Variants in CAMKMT observed in about 807,000 individuals in gnomAD.
CAMKMT encodes the protein calmodulin-lysine N-methyltransferase.
CAMKMT carries 53 observed loss-of-function variants against 48.0 expected under a neutral mutation model. The ratio of observed to expected loss-of-function variants is 1.10; its 90% confidence interval spans 0.89 to 1.39. CAMKMT has a LOEUF of 1.39. Among genes scored for constraint, CAMKMT ranks in the 40% most tolerant of loss-of-function variants. The pLI, the probability that CAMKMT is intolerant of heterozygous loss-of-function variation, is 0.00. For synonymous variants in CAMKMT, 165 were observed against 152.3 expected (o/e 1.08, Z -0.61); for missense variants, 428 against 402.7 (o/e 1.06, Z -0.54).
intron 3 of CAMKMT, among the ~76,000 whole-genome samples, chr2:44,636,480 A>G (rs552976934): frequency 6.6e-6 from 1 of 152,336 alleles, no homozygotes; most frequent in Non-Finnish European, 1.5e-5. Flanking sequence ...TAAGGCGGTT[A>G]CCAGTGTAAC....
chr2:44,520,557 T>C (rs1263895555), intron 3 of CAMKMT, among the ~76,000 whole-genome samples: 1 of 152,194 alleles, frequency 6.6e-6, no homozygotes, highest in Non-Finnish European at 1.5e-5. Flanking sequence ...TGGTACCTGC[T>C]CCTCTTATTT....
chr2:44,696,070 A>G (rs1007149643), intron 3 of CAMKMT, among the ~76,000 whole-genome samples: 3 of 151,956 alleles, frequency 2.0e-5, no homozygotes, highest in Admixed American at 1.3e-4. Context: ...AGCCTCCCGA[A>G]TAACTGGAAT....
intron 8 of CAMKMT, among the ~76,000 whole-genome samples, chr2:44,745,712 G>A (rs560372665): frequency 4.0e-5 from 6 of 151,842 alleles, no homozygotes; most frequent in Non-Finnish European, 7.4e-5. Context: ...ATTTGTAAAT[G>A]TGAAACATTA....
In CAMKMT at chr2:44,618,040, T is replaced by G. The variant is rs913313313; in HGVS notation, c.377-86243T>G. 6.6e-6 allele frequency among the ~76,000 whole-genome samples: 1 copy of G among 152,228 alleles called. No individual in the cohort carries two copies. The highest frequency in any genetic ancestry group is 6.5e-5 in the Admixed American group (1 of 15,286). ...CTATTCTTTTCATCTCCTTCCTGTT[T>G]CTTTGTATACACTTCTAGTAGTTAA... On this transcript the variant is annotated intron_variant, in intron 3 of 10. Transcript: ENST00000378494. The surrounding 1 kb of genome is among the most constrained non-coding windows in gnomAD (Gnocchi z 4.0).
chr2:44,479,594 A>G (rs1668864473), intron 3 of CAMKMT, among the ~76,000 whole-genome samples: 1 of 152,218 alleles, frequency 6.6e-6, no homozygotes. Flanking sequence ...GGTACTGCTG[A>G]GTAAAACACT....
intron 6 of CAMKMT, among the ~76,000 whole-genome samples, chr2:44,709,767 G>T (rs1236689106): frequency 6.6e-6 from 1 of 151,938 alleles, no homozygotes; most frequent in East Asian, 1.9e-4. Flanking sequence ...AAATTATATA[G>T]CAGTTGTAGG....
chr2:44,542,069 C>G (rs543602755), intron 3 of CAMKMT, among the ~76,000 whole-genome samples: 95 of 145,658 alleles, frequency 6.5e-4, no homozygotes, highest in Non-Finnish European at 1.2e-3. Context: ...GCGGAGGTTG[C>G]GGTGAGCCGA....
chr2:44,644,195 A>G (rs1374381054), intron 3 of CAMKMT, among the ~76,000 whole-genome samples: 1 of 152,210 alleles, frequency 6.6e-6, no homozygotes, highest in Non-Finnish European at 1.5e-5. Context: ...TCATTTCAGT[A>G]AATTGCCCCC....
Position 44,362,013 on chromosome 2 carries a change from G to C in CAMKMT, c.6G>C (p.Glu2Asp). M[E>D]SRVADAGTGE... The stretch of plus-strand genomic sequence containing the variant: ...GTGTGGAAGGCTCCAGTGAGATGGA[G>C]TCGCGAGTCGCGGACGCTGGGACCG... The change falls in exon 1 of 11, where the codon GAG (glutamate) becomes GAC (aspartate). Residue 2 changes from glutamate to aspartate, a missense_variant. By Grantham distance (45) the Glu-to-Asp change is conservative (BLOSUM62 2). Coordinates refer to ENST00000378494, the MANE Select transcript of CAMKMT (RefSeq NM_024766.5). 7.1e-7 allele frequency: 1 copy of C among 1,409,932 alleles called. No individual in the cohort carries two copies. The highest frequency in any genetic ancestry group is 1.5e-5 in the South Asian group (1 of 64,792). 87.3% of individuals were successfully genotyped at this position (1,409,932 alleles called of 1,614,324 possible).
At position 44,688,507 on chromosome 2, in the gene CAMKMT, C is replaced by CATAT. The variant is rs56792012; in HGVS notation, c.377-15767_377-15764dup. ...GTATATATACACATACATATATATA[C>CATAT]ATATATATATATTTTAGCAATCTGA... is the stretch of plus-strand genomic sequence containing the variant. On this transcript the variant is annotated intron_variant, in intron 3 of 10. Transcript: ENST00000378494. Among the ~76,000 whole-genome samples the CATAT allele has an allele frequency of 2.4e-4, 36 of 151,504 alleles. 1 individual carries two copies. Among genetic ancestry groups the CATAT allele is most frequent in the Middle Eastern group, 6.9e-3 (2 of 288 alleles).
intron 3 of CAMKMT, among the ~76,000 whole-genome samples, chr2:44,493,536 T>C (rs1009469049): frequency 6.6e-6 from 1 of 152,210 alleles, no homozygotes; most frequent in Non-Finnish European, 1.5e-5. Context: ...TATTTGATAA[T>C]AATGATTTTG....
At chr2:44,449,754 A>T (rs1024667928) in intron 3 of CAMKMT, among the ~76,000 whole-genome samples, 1 of 152,182 alleles carries the variant, frequency 6.6e-6, no homozygotes, top group African/African-American at 2.4e-5. Context: ...CAAGTATCTG[A>T]CATGAAATAA....
intron 3 of CAMKMT, among the ~76,000 whole-genome samples, chr2:44,444,558 A>G (rs1666866418): frequency 6.6e-6 from 1 of 152,184 alleles, no homozygotes. Context: ...GTTATTTTCT[A>G]AATGTGTATA....
chr2:44,467,750 A>C (rs1386157254), intron 3 of CAMKMT, among the ~76,000 whole-genome samples: 1 of 152,152 alleles, frequency 6.6e-6, no homozygotes, highest in African/African-American at 2.4e-5. Context: ...AAATATGTTG[A>C]GGGGAAGGAC....
chr2:44,458,909 G>C (rs1191743955), intron 3 of CAMKMT, among the ~76,000 whole-genome samples: 1 of 152,166 alleles, frequency 6.6e-6, no homozygotes, highest in Non-Finnish European at 1.5e-5. Context: ...ACTTGGGATA[G>C]AAGGACTCTC....
At chr2:44,711,313 G>A (rs10495920) in intron 6 of CAMKMT, among the ~76,000 whole-genome samples, 3,288 of 152,194 alleles carry the variant, frequency 0.022, 123 homozygotes, top group African/African-American at 0.074. Context: ...GTCATTACAG[G>A]TGCTAAAGAT....
intron 10 of CAMKMT, among the ~76,000 whole-genome samples, chr2:44,770,648 A>C (rs1269046530): frequency 6.6e-6 from 1 of 152,182 alleles, no homozygotes; most frequent in Non-Finnish European, 1.5e-5. Context: ...GGCAACTGGC[A>C]ACAAAAGTAT....
intron 3 of CAMKMT, among the ~76,000 whole-genome samples, chr2:44,470,340 C>G (rs1668348540): frequency 6.6e-6 from 1 of 152,184 alleles, no homozygotes. Flanking sequence ...CATTCCACTA[C>G]CAGCCACTTG....
At chr2:44,745,707 TA>T (rs1679889421) in intron 8 of CAMKMT, among the ~76,000 whole-genome samples, 1 of 152,196 alleles carries the variant, frequency 6.6e-6, no homozygotes, top group Non-Finnish European at 1.5e-5. Context: ...TTCCCATTTG[TA>T]AATGTGAAAC....
Sources: allele counts gnomAD v4.1 joint callset (sites outside exome capture counted in the v4.1 genomes callset), GRCh38; gene constraint gnomAD v4.1.1; non-coding constraint Gnocchi (gnomAD v3.1); transcripts MANE v1.5; gene names NCBI Gene and HGNC (gene_info 2026-07-23, HGNC 2026-07-21).